SOBP: variants seen among roughly 807,000 people sequenced by gnomAD.
The protein encoded by SOBP is sine oculis-binding protein homolog.
SOBP carries 4 observed loss-of-function variants against 53.6 expected under a neutral mutation model. The observed-to-expected ratio is 0.07, with a 90% confidence interval of 0.04 to 0.17. SOBP has a LOEUF of 0.17. SOBP is among the 10% of genes least tolerant of loss of function. The pLI, the probability that SOBP is intolerant of heterozygous loss-of-function variation, is 1.00. For missense variants in SOBP, 1,088 were observed against 1,204.7 expected (o/e 0.90, Z 1.43); for synonymous variants, 584 against 522.6 (o/e 1.12, Z -1.60).
intron 5 of SOBP, among the ~76,000 whole-genome samples, chr6:107,619,540 T>C (rs1402467554): frequency 6.6e-6 from 1 of 152,106 alleles, no homozygotes; most frequent in Non-Finnish European, 1.5e-5. Flanking sequence ...GATCTAGTGT[T>C]TCTCAGCATA....
intron 6 of SOBP, among the ~76,000 whole-genome samples, chr6:107,656,328 A>G (rs1189446006): frequency 1.4e-4 from 1 of 7,284 alleles, no homozygotes; most frequent in African/African-American, 3.1e-4. Flanking sequence ...AGAAAGAAAG[A>G]AAGAAAGAAA....
chr6:107,604,199 AG>A (rs1786284302), intron 5 of SOBP, among the ~76,000 whole-genome samples: 1 of 152,202 alleles, frequency 6.6e-6, no homozygotes, highest in African/African-American at 2.4e-5. Context: ...TCTTTAATAC[AG>A]TTATCAAATA....
At chr6:107,589,255 G>A (rs898943508) in intron 5 of SOBP, among the ~76,000 whole-genome samples, 1 of 152,144 alleles carries the variant, frequency 6.6e-6, no homozygotes, top group African/African-American at 2.4e-5. Flanking sequence ...AAGCACTGAG[G>A]GCACAGGGTT....
chr6:107,551,071 G>A (rs968277567), intron 4 of SOBP, among the ~76,000 whole-genome samples: 4 of 152,186 alleles, frequency 2.6e-5, no homozygotes, highest in Non-Finnish European at 5.9e-5. Context: ...CCTGAACTGT[G>A]CAACCTTAAA....
intron 4 of SOBP, among the ~76,000 whole-genome samples, chr6:107,568,146 A>G (rs893583234): frequency 1.3e-5 from 2 of 152,192 alleles, no homozygotes; most frequent in East Asian, 1.9e-4. Flanking sequence ...ATAGGGTTAA[A>G]TGGCGAGAGT....
At chr6:107,490,798 C>T (rs908898931) in intron 1 of SOBP, 86 bp downstream of exon 1, 23 of 1,042,854 alleles carry the variant, frequency 2.2e-5, no homozygotes, top group Non-Finnish European at 2.9e-5. Flanking sequence ...TGGGGGGTAC[C>T]GGGGCGCGCT....
intron 3 of SOBP, among the ~76,000 whole-genome samples, chr6:107,523,028 G>A (rs1357281278): frequency 6.6e-6 from 1 of 152,192 alleles, no homozygotes; most frequent in Non-Finnish European, 1.5e-5. Context: ...AGAGGGTTGT[G>A]TATGCAGCTT....
At chr6:107,560,777 C>T (rs1186372891) in intron 4 of SOBP, among the ~76,000 whole-genome samples, 5 of 152,108 alleles carry the variant, frequency 3.3e-5, no homozygotes, top group Non-Finnish European at 7.4e-5. Context: ...TTTTTCCCCA[C>T]CAGACTGTGG....
chr6:107,491,724 G>A (rs150789657), intron 1 of SOBP, among the ~76,000 whole-genome samples: 1 of 152,216 alleles, frequency 6.6e-6, no homozygotes, highest in East Asian at 1.9e-4. Flanking sequence ...TGCATTTTGC[G>A]GTCTTCTTGG....
At chr6:107,595,090 A>G (rs1785896492) in intron 5 of SOBP, among the ~76,000 whole-genome samples, 1 of 152,256 alleles carries the variant, frequency 6.6e-6, no homozygotes. Flanking sequence ...TATAGTAACA[A>G]TTCTTTGGTA....
chr6:107,651,357 G>C (rs1015224308), intron 6 of SOBP, among the ~76,000 whole-genome samples: 6 of 152,180 alleles, frequency 3.9e-5, no homozygotes, highest in African/African-American at 1.4e-4. Flanking sequence ...AATTTGAGTG[G>C]TCTGGGTGGA....
chr6:107,518,502 A>G (rs987297716), intron 3 of SOBP, among the ~76,000 whole-genome samples: 3 of 152,244 alleles, frequency 2.0e-5, no homozygotes, highest in Non-Finnish European at 4.4e-5. Flanking sequence ...AAAATGTATA[A>G]TGCAATAATT....
intron 5 of SOBP, 118 bp from the exon 6 acceptor site, chr6:107,633,396 T>G: frequency 1.6e-6 from 2 of 1,253,200 alleles, no homozygotes; most frequent in Non-Finnish European, 2.3e-6. Context: ...GAAACAGTTC[T>G]GCCTGTTTGA....
intron 6 of SOBP, among the ~76,000 whole-genome samples, chr6:107,637,512 A>G (rs1198031962): frequency 2.6e-5 from 4 of 152,254 alleles, no homozygotes; most frequent in Admixed American, 2.6e-4. Flanking sequence ...CAGTCACCTC[A>G]ATTGAAAATG....
chr6:107,612,209 C>G (rs1786623982), intron 5 of SOBP, among the ~76,000 whole-genome samples: 1 of 152,122 alleles, frequency 6.6e-6, no homozygotes, highest in Admixed American at 6.5e-5. Flanking sequence ...ATTGGCATTC[C>G]AAATGGTCAA....
chr6:107,506,830 C>A (rs1388257131), intron 3 of SOBP, among the ~76,000 whole-genome samples: 3 of 151,760 alleles, frequency 2.0e-5, no homozygotes. Flanking sequence ...CTGAGGCGGG[C>A]GGATCACCTG....
At chr6:107,507,578 T>A (rs1783034040) in intron 3 of SOBP, among the ~76,000 whole-genome samples, 2 of 152,184 alleles carry the variant, frequency 1.3e-5, no homozygotes, top group South Asian at 4.1e-4. Flanking sequence ...AGTGCTGGGA[T>A]TACAGGTGTG....
chr6:107,634,819 G>T lies in SOBP; in HGVS notation c.1975G>T (p.Gly659Cys). 7.1e-7 allele frequency: 1 copy of T among 1,408,982 alleles called. No homozygotes were observed. The highest frequency in any genetic ancestry group is 1.4e-5 in the South Asian group (1 of 71,168). 87.3% of individuals were successfully genotyped at this position (1,408,982 alleles called of 1,614,324 possible). A position where few individuals can be genotyped will look rare whatever the true frequency, so the allele number is the denominator to read the frequency against. The change falls in exon 6 of 7, where the codon GGC becomes TGC. Residue 659 changes from glycine (G) to cysteine (C), a missense_variant. Transcript: ENST00000317357. The surrounding 1 kb of genome is among the most constrained non-coding windows in gnomAD (Gnocchi z 4.5). ...PQDGVIDLTV[G>C]HRARLHNVIH... ...GGACGGCGTCATCGACCTGACCGTG[G>T]GCCACCGAGCCCGGCTGCACAACGT...
Position 107,633,870 on chromosome 6 carries a change from C to T in SOBP, c.1026C>T (p.Val342=). 6.2e-7 allele frequency: 1 copy of T among 1,614,218 alleles called. No individual in the cohort carries two copies. Among genetic ancestry groups the T allele is most frequent in the Non-Finnish European group, 8.5e-7 (1 of 1,180,032 alleles). ...VSPSDTANCS[V]TKIPTPVPKS... ...CATCTGACACTGCCAACTGCTCTGT[C>T]ACTAAAATCCCCACGCCAGTGCCCA... Residue 342 remains valine, a synonymous_variant, in exon 6 of 7, where the codon GTC becomes GTT. Transcript: ENST00000317357.
Sources: allele counts gnomAD v4.1 joint callset (sites outside exome capture counted in the v4.1 genomes callset), GRCh38; gene constraint gnomAD v4.1.1; non-coding constraint Gnocchi (gnomAD v3.1); transcripts MANE v1.5; gene names NCBI Gene and HGNC (gene_info 2026-07-23, HGNC 2026-07-21).